Variants in BCAT1 observed in about 807,000 individuals in gnomAD.
The protein encoded by BCAT1 is branched chain amino acid transaminase 1.
A neutral mutation model predicts 52.4 loss-of-function variants in BCAT1; 48 were observed. The ratio of observed to expected loss-of-function variants is 0.92; its 90% CI spans 0.73 to 1.16. BCAT1 has a LOEUF of 1.16. BCAT1 is among the 50% of genes most tolerant of loss of function. The pLI is 0.00. For synonymous variants in BCAT1, 167 were observed against 161.3 expected (o/e 1.04, Z -0.27); for missense variants, 451 against 457.1 (o/e 0.99, Z 0.12).
intron 9 of BCAT1, among the ~76,000 whole-genome samples, chr12:24,831,053 G>A (rs1353613418): frequency 3.3e-5 from 5 of 152,094 alleles, no homozygotes; most frequent in South Asian, 2.1e-4. Context: ...TCACTTATAC[G>A]TGGACTTTCT....
In BCAT1 at chr12:24,948,909, A is replaced by G. The variant is rs80215395; in HGVS notation, c.6+18T>C. On this transcript the variant is annotated intron_variant, in intron 1 of 10. Coordinates refer to ENST00000261192, the MANE Select transcript of BCAT1 (RefSeq NM_005504.7). ...GCACACATTTTTGTAAAACACGGACAAAACCATAAGTAGTTACCTTCATTG... is the reference window on the plus strand; with the variant it reads ...GCACACATTTTTGTAAAACACGGACGAAACCATAAGTAGTTACCTTCATTG... 0.037 allele frequency: 58,498 copies of G among 1,593,208 alleles called. 1,259 individuals carry two copies. The highest frequency in any genetic ancestry group is 0.042 in the Non-Finnish European group (48,901 of 1,169,230).
At chr12:24,912,243 A>G (rs1051915843) in intron 1 of BCAT1, among the ~76,000 whole-genome samples, 1 of 152,144 alleles carries the variant, frequency 6.6e-6, no homozygotes, top group Non-Finnish European at 1.5e-5. Flanking sequence ...GGCTGGGCGC[A>G]GTGGCTCACA....
chr12:24,834,095 G>A (rs1350311326), intron 8 of BCAT1: 2 of 956,524 alleles, frequency 2.1e-6, no homozygotes, highest in Non-Finnish European at 2.5e-6. Flanking sequence ...CAAAGTGCTG[G>A]GATTATAGTT....
intron 6 of BCAT1, among the ~76,000 whole-genome samples, chr12:24,844,098 C>T (rs909560451): frequency 6.6e-6 from 1 of 152,112 alleles, no homozygotes; most frequent in Non-Finnish European, 1.5e-5. Context: ...TGCTTTAGCC[C>T]CTAGCATCCT....
At chr12:24,818,503 C>G (rs1481373028) in intron 10 of BCAT1, among the ~76,000 whole-genome samples, 3 of 152,140 alleles carry the variant, frequency 2.0e-5, no homozygotes, top group Non-Finnish European at 2.9e-5. Flanking sequence ...AATGCAAATT[C>G]CCAGACCTCA....
chr12:24,878,017 G>T (rs988273164), intron 5 of BCAT1, among the ~76,000 whole-genome samples: 1 of 152,024 alleles, frequency 6.6e-6, no homozygotes. Flanking sequence ...AGCTAGGCAT[G>T]GTAGCACATG....
intron 10 of BCAT1, among the ~76,000 whole-genome samples, chr12:24,820,031 T>G (rs1035668567): frequency 8.5e-5 from 13 of 152,206 alleles, no homozygotes; most frequent in African/African-American, 3.1e-4. Flanking sequence ...AACAGTTCAT[T>G]GGCATTTTAG....
chr12:24,873,855 A>C (rs1942251481), intron 5 of BCAT1, among the ~76,000 whole-genome samples: 1 of 152,062 alleles, frequency 6.6e-6, no homozygotes, highest in Non-Finnish European at 1.5e-5. Flanking sequence ...GCCAATCCCT[A>C]CTCACTGGTT....
chr12:24,847,557 G>C (rs1005077446), intron 6 of BCAT1, among the ~76,000 whole-genome samples: 1 of 152,162 alleles, frequency 6.6e-6, no homozygotes, highest in Non-Finnish European at 1.5e-5. Flanking sequence ...AAAAAACTAA[G>C]AGAGATAATT....
intron 1 of BCAT1, among the ~76,000 whole-genome samples, chr12:24,914,187 T>C (rs1254126705): frequency 6.6e-6 from 1 of 150,866 alleles, no homozygotes; most frequent in East Asian, 2.0e-4. Context: ...GCTCAGGCAA[T>C]CCTCCCACAT....
intron 1 of BCAT1, among the ~76,000 whole-genome samples, chr12:24,928,644 A>C (rs1344098231): frequency 6.6e-6 from 1 of 151,494 alleles, no homozygotes; most frequent in Non-Finnish European, 1.5e-5. Context: ...AAAAAAAAAA[A>C]AAAAAACCAA....
chr12:24,853,340 A>AGG lies in BCAT1; in HGVS notation c.511-3392_511-3391insCC, dbSNP rs1402453325. Among the ~76,000 whole-genome samples, 61 of 152,376 alleles carry AGG rather than the reference A, an allele frequency of 4.0e-4. 1 individual carries two copies. Among genetic ancestry groups the AGG allele is most frequent in the Non-Finnish European group, 2.1e-4 (14 of 68,020 alleles). On this transcript the variant is annotated intron_variant, in intron 5 of 10. Transcript: ENST00000261192. ...GAGTCTCTCTATCCTAAATGAATTA[A>AGG]CACAGAAACAGAAAACCAAAATATC...
chr12:24,844,524 A>C (rs1214296169), intron 6 of BCAT1, among the ~76,000 whole-genome samples: 1 of 152,212 alleles, frequency 6.6e-6, no homozygotes, highest in Admixed American at 6.5e-5. Context: ...ATATTCCAGT[A>C]AGCTGTGGAA....
intron 1 of BCAT1, among the ~76,000 whole-genome samples, chr12:24,906,737 T>C (rs369452164): frequency 1.3e-5 from 2 of 152,300 alleles, no homozygotes; most frequent in African/African-American, 4.8e-5. Flanking sequence ...CTGCTCTATG[T>C]AGTTGCTCTA....
intron 1 of BCAT1, among the ~76,000 whole-genome samples, chr12:24,933,155 G>T: frequency 7.6e-6 from 1 of 131,516 alleles, no homozygotes; most frequent in Admixed American, 8.9e-5. Context: ...TTTAAGCAGA[G>T]ATGAGGTTTC....
chr12:24,842,132 G>A lies in BCAT1; in HGVS notation c.767C>T (p.Thr256Ile), dbSNP rs1282602445. Residue 256 changes from threonine to isoleucine, a missense_variant, in exon 7 of 11, where the codon ACT becomes ATT. Coordinates refer to ENST00000261192, the MANE Select transcript of BCAT1 (RefSeq NM_005504.7). The stretch of plus-strand genomic sequence containing the variant: ...AAAAAGATTCATAGTTCCCACTTCA[G>A]TGATCTGATGGTCCTCTCCATAGAG... ...LWLYGEDHQI[T>I]EVGTMNLFLY... The A allele has an allele frequency of 6.2e-7, 1 of 1,613,668 alleles. No individual in the cohort carries two copies. The highest frequency in any genetic ancestry group is 1.3e-5 in the African/African-American group (1 of 74,920).
At chr12:24,822,086 G>A (rs976085679) in intron 10 of BCAT1, among the ~76,000 whole-genome samples, 2 of 152,090 alleles carry the variant, frequency 1.3e-5, no homozygotes, top group South Asian at 4.2e-4. Context: ...GTAGAGAAAA[G>A]AAACACGTCG....
intron 6 of BCAT1, among the ~76,000 whole-genome samples, chr12:24,843,926 A>C (rs1206851487): frequency 3.3e-5 from 5 of 152,076 alleles, no homozygotes; most frequent in Non-Finnish European, 5.9e-5. Context: ...TATGCTGTAA[A>C]ACTGGGGTCG....
chr12:24,914,083 C>CA (rs1943368895), intron 1 of BCAT1, among the ~76,000 whole-genome samples: 7 of 135,700 alleles, frequency 5.2e-5, no homozygotes, highest in Admixed American at 5.1e-4. Context: ...GGTAGATTAT[C>CA]TTTTTTTTTT....
Sources: allele counts gnomAD v4.1 joint callset (sites outside exome capture counted in the v4.1 genomes callset), GRCh38; gene constraint gnomAD v4.1.1; transcripts MANE v1.5; gene names NCBI Gene and HGNC (gene_info 2026-07-23, HGNC 2026-07-21).